Variants in MEGF11 observed in about 807,000 individuals in gnomAD.
MEGF11 encodes multiple epidermal growth factor-like domains protein 11.
Under a neutral mutation model 146.6 loss-of-function variants are expected in MEGF11, and 126 were observed. The observed-to-expected ratio is 0.86, with a 90% CI of 0.74 to 1.00. MEGF11 has a LOEUF of 1.00. Ranked by LOEUF, MEGF11 falls within the 50% of genes least tolerant of loss-of-function variation. The pLI, the probability that MEGF11 is intolerant of heterozygous loss-of-function variation, is 0.00. For synonymous variants in MEGF11, 532 were observed against 583.4 expected, an observed-to-expected ratio of 0.91 and a Z score of 1.27; for missense variants, 1,509 against 1,521.2, an observed-to-expected ratio of 0.99 and a Z score of 0.13.
chr15:66,124,534 A>T (rs773432532), intron 2 of MEGF11, among the ~76,000 whole-genome samples: 1 of 152,234 alleles, frequency 6.6e-6, no homozygotes, highest in Non-Finnish European at 1.5e-5. Context: ...AAGTGTTTCA[A>T]TACGTTTCAT....
intron 5 of MEGF11, among the ~76,000 whole-genome samples, chr15:66,065,490 G>A (rs2140435595): frequency 6.6e-6 from 1 of 152,228 alleles, no homozygotes; most frequent in African/African-American, 2.4e-5. Flanking sequence ...CACTGGTTGG[G>A]GGATGGGCTA....
At chr15:66,083,085 C>G (rs2085963488) in intron 5 of MEGF11, among the ~76,000 whole-genome samples, 2 of 152,150 alleles carry the variant, frequency 1.3e-5, no homozygotes, top group African/African-American at 4.8e-5. Flanking sequence ...CAGAGACACT[C>G]CCTGATGTAC....
intron 1 of MEGF11, among the ~76,000 whole-genome samples, chr15:66,250,486 C>G (rs905829463): frequency 6.6e-6 from 1 of 152,232 alleles, no homozygotes; most frequent in African/African-American, 2.4e-5. Flanking sequence ...CTGTCTGATT[C>G]ATTGCTGTAT....
At chr15:66,132,776 C>T (rs2088705062) in intron 1 of MEGF11, among the ~76,000 whole-genome samples, 2 of 152,124 alleles carry the variant, frequency 1.3e-5, no homozygotes, top group African/African-American at 2.4e-5. Flanking sequence ...TTTCTCCCCT[C>T]CTATATTTAC....
At chr15:65,922,274 C>A (rs2079196319) in intron 15 of MEGF11, 64 bp downstream of exon 15, 2 of 1,565,392 alleles carry the variant, frequency 1.3e-6, no homozygotes, top group African/African-American at 2.7e-5. Flanking sequence ...CCCTTCCTTC[C>A]CTGCCACTTT....
At chr15:65,995,922 T>C (rs1462984438) in intron 5 of MEGF11, among the ~76,000 whole-genome samples, 1 of 152,152 alleles carries the variant, frequency 6.6e-6, no homozygotes, top group Non-Finnish European at 1.5e-5. Context: ...AGTAGTATCT[T>C]ACTGTACCCT....
chr15:66,218,299 C>T (rs1378306472), intron 1 of MEGF11, among the ~76,000 whole-genome samples: 2 of 152,248 alleles, frequency 1.3e-5, no homozygotes, highest in East Asian at 3.9e-4. Context: ...AAGCTAAAAG[C>T]CTGTTCCCAG....
At position 66,055,334 on chromosome 15, in the gene MEGF11, T is replaced by C. The variant is rs568887729; in HGVS notation, c.394+39068A>G. On this transcript the variant is annotated intron_variant, in intron 5 of 25. Coordinates refer to ENST00000395614, the MANE Select transcript of MEGF11 (RefSeq NM_001385028.1). ...AAGCTCATATAAAGTTCGTGTTCTT[T>C]AGCTAATGCAGCTTTCAATTATGCT... 6.6e-5 allele frequency among the ~76,000 whole-genome samples: 10 copies of C among 152,382 alleles called. No individual in the cohort carries two copies. In the East Asian group the frequency reaches 9.6e-4, roughly 15 times the overall value.
At chr15:66,253,347 T>G (rs2092403297) in intron 1 of MEGF11, among the ~76,000 whole-genome samples, 1 of 152,178 alleles carries the variant, frequency 6.6e-6, no homozygotes, top group African/African-American at 2.4e-5. Context: ...GGGCTGCGGC[T>G]GCCCACATTG....
intron 3 of MEGF11, among the ~76,000 whole-genome samples, chr15:66,120,879 C>T (rs1309807910): frequency 1.3e-5 from 2 of 152,156 alleles, no homozygotes; most frequent in East Asian, 1.9e-4. Context: ...CATTAACGCC[C>T]CTCAGGAAAG....
chr15:65,905,902 A>G, intron 24 of MEGF11, 183 bp downstream of exon 24: 1 of 472,938 alleles, frequency 2.1e-6, no homozygotes, highest in Non-Finnish European at 3.8e-6. Context: ...ATTCATTATT[A>G]TTATGATTGA....
chr15:66,018,307 G>A (rs1032899407), intron 5 of MEGF11, among the ~76,000 whole-genome samples: 9 of 152,208 alleles, frequency 5.9e-5, no homozygotes, highest in East Asian at 3.9e-4. Flanking sequence ...GCCCATTTGG[G>A]AGAGTCCTTC....
At chr15:66,038,223 C>A (rs1215679483) in intron 5 of MEGF11, among the ~76,000 whole-genome samples, 1 of 152,048 alleles carries the variant, frequency 6.6e-6, no homozygotes, top group African/African-American at 2.4e-5. Context: ...GACGGGGTGA[C>A]GGAAAAAGCA....
At chr15:66,196,850 A>G (rs1158752047) in intron 1 of MEGF11, among the ~76,000 whole-genome samples, 1 of 152,202 alleles carries the variant, frequency 6.6e-6, no homozygotes, top group African/African-American at 2.4e-5. Flanking sequence ...TAAACATGCT[A>G]AAGACAGATG....
intron 1 of MEGF11, among the ~76,000 whole-genome samples, chr15:66,235,282 G>C (rs1328803825): frequency 6.6e-6 from 1 of 152,060 alleles, no homozygotes; most frequent in East Asian, 1.9e-4. Context: ...GAGGAGGATT[G>C]CTTGAGTCCA....
At chr15:66,189,173 C>A (rs12148773) in intron 1 of MEGF11, among the ~76,000 whole-genome samples, 24,391 of 152,054 alleles carry the variant, frequency 0.16, 2,794 homozygotes, top group East Asian at 0.52. Context: ...ATTACCGCCC[C>A]GTTCTCCCAG....
At chr15:66,136,470 C>T (rs2088894279) in intron 1 of MEGF11, among the ~76,000 whole-genome samples, 1 of 152,200 alleles carries the variant, frequency 6.6e-6, no homozygotes, top group South Asian at 2.1e-4. Flanking sequence ...AGCCCACAGA[C>T]ATGGGCATCA....
At chr15:66,245,647 C>A (rs1296881505) in intron 1 of MEGF11, among the ~76,000 whole-genome samples, 1 of 152,014 alleles carries the variant, frequency 6.6e-6, no homozygotes, top group Non-Finnish European at 1.5e-5. Flanking sequence ...AAACCAAAAC[C>A]AATGCTTCAG....
intron 7 of MEGF11, 98 bp downstream of exon 7, chr15:65,980,680 C>T (rs1410616050): frequency 1.3e-5 from 19 of 1,425,906 alleles, no homozygotes; most frequent in East Asian, 2.6e-5. Flanking sequence ...ATTACAGTCA[C>T]GAGTACCATG....
Sources: gnomAD v4.1 joint callset for allele counts (sites outside exome capture counted in the v4.1 genomes callset) on GRCh38, gnomAD v4.1.1 for gene constraint, MANE v1.5 for transcripts, NCBI Gene and HGNC (gene_info 2026-07-23, HGNC 2026-07-21) for gene names.